Variants in CA10 observed in about 807,000 individuals in gnomAD.
The protein encoded by CA10 is carbonic anhydrase 10 (inactive), also known as carbonic anhydrase-related protein 10.
CA10 carries 14 observed loss-of-function variants against 44.2 expected under a neutral mutation model. That is an observed-to-expected ratio of 0.32 (90% CI 0.21 to 0.50). The LOEUF (loss-of-function observed/expected upper bound fraction) is 0.50, where lower values mean the gene tolerates loss of function less well. Among genes scored for constraint, CA10 ranks in the 20% least tolerant of loss-of-function variants. The probability of loss-of-function intolerance (pLI) is 0.99; values close to 1 mark genes in which losing one functional copy is unlikely to be tolerated. For missense variants in CA10, 350 were observed against 409.7 expected (o/e 0.85, Z 1.26); for synonymous variants, 159 against 141.6 (o/e 1.12, Z -0.87).
At chr17:51,910,196 C>G (rs2143949058) in intron 3 of CA10, among the ~76,000 whole-genome samples, 1 of 152,132 alleles carries the variant, frequency 6.6e-6, no homozygotes, top group Admixed American at 6.5e-5. Flanking sequence ...GGTGAGAGGG[C>G]AGCATTAGAG....
chr17:51,790,582 G>A (rs1381421428), intron 3 of CA10, among the ~76,000 whole-genome samples: 5 of 152,166 alleles, frequency 3.3e-5, no homozygotes, highest in Non-Finnish European at 7.3e-5. Flanking sequence ...GCCTGCAAAT[G>A]CAAGCAGCTG....
chr17:52,077,690 A>G (rs1191930788), intron 1 of CA10, among the ~76,000 whole-genome samples: 1 of 152,282 alleles, frequency 6.6e-6, no homozygotes, highest in Non-Finnish European at 1.5e-5. Flanking sequence ...TTCTAATTAC[A>G]TGTGCCTGAT....
intron 1 of CA10, among the ~76,000 whole-genome samples, chr17:52,149,932 C>T (rs575285387): frequency 6.6e-6 from 1 of 152,204 alleles, no homozygotes; most frequent in South Asian, 2.1e-4. Flanking sequence ...TTAAAAGATG[C>T]CTTTCATGCA....
At chr17:51,828,244 G>C (rs1255458158) in intron 3 of CA10, among the ~76,000 whole-genome samples, 1 of 152,142 alleles carries the variant, frequency 6.6e-6, no homozygotes, top group Non-Finnish European at 1.5e-5. Flanking sequence ...TTTTCGTGGA[G>C]GTTATATACA....
chr17:51,795,294 A>C (rs576834238), intron 3 of CA10, among the ~76,000 whole-genome samples: 1 of 152,356 alleles, frequency 6.6e-6, no homozygotes, highest in South Asian at 2.1e-4. Context: ...AGTGAGGACC[A>C]ACATTCGAAA....
At chr17:51,819,895 T>C (rs138655179) in intron 3 of CA10, among the ~76,000 whole-genome samples, 18 of 152,296 alleles carry the variant, frequency 1.2e-4, no homozygotes, top group Non-Finnish European at 2.2e-4. Context: ...CCTCTGTTTC[T>C]CGATTTCTCT....
chr17:52,096,415 C>T (rs536338225), intron 1 of CA10, among the ~76,000 whole-genome samples: 1 of 152,224 alleles, frequency 6.6e-6, no homozygotes, highest in African/African-American at 2.4e-5. Flanking sequence ...CTTGTTTTCC[C>T]CATCTTTAGA....
intron 4 of CA10, among the ~76,000 whole-genome samples, chr17:51,709,479 G>C (rs1567812004): frequency 6.6e-6 from 1 of 152,158 alleles, no homozygotes; most frequent in Non-Finnish European, 1.5e-5. Flanking sequence ...GATTTAAAGT[G>C]ATGACTCACA....
chr17:52,136,843 A>G (rs1989370914), intron 1 of CA10, among the ~76,000 whole-genome samples: 1 of 152,156 alleles, frequency 6.6e-6, no homozygotes, highest in Non-Finnish European at 1.5e-5. Context: ...ACGATTTTGA[A>G]ATGGAAATAA....
chr17:52,101,435 TTC>T (rs964605730), intron 1 of CA10, among the ~76,000 whole-genome samples: 5 of 152,140 alleles, frequency 3.3e-5, no homozygotes, highest in African/African-American at 9.7e-5. Flanking sequence ...GCCAAACAAA[TTC>T]TCTGTTAAGT....
intron 2 of CA10, among the ~76,000 whole-genome samples, chr17:51,981,698 A>C (rs937556966): frequency 3.9e-5 from 6 of 152,072 alleles, no homozygotes; most frequent in African/African-American, 1.4e-4. Context: ...TACCCATGTG[A>C]TTAGTAATAA....
rs894289014 is a variant in CA10, at chr17:51,744,001, A to G, written c.465+3632T>C. Among the ~76,000 whole-genome samples, 11 of 152,366 alleles carry G rather than the reference A, an allele frequency of 7.2e-5. No homozygotes were observed. The East Asian group carries it at 2.1e-3, about 29-fold the overall frequency. ...ACTTTTACTGAGGCTAATCCTCAGT[A>G]GAATACAATTGAAGGAAATTTCTAT... On this transcript the variant is annotated intron_variant, in intron 4 of 8. Coordinates refer to ENST00000451037, the MANE Select transcript of CA10 (RefSeq NM_020178.5).
chr17:51,722,075 C>G (rs1036525277), intron 4 of CA10, among the ~76,000 whole-genome samples: 1 of 152,048 alleles, frequency 6.6e-6, no homozygotes. Context: ...TTAACTCTTG[C>G]GATCTGATGT....
At chr17:51,730,412 C>A (rs1916671865) in intron 4 of CA10, among the ~76,000 whole-genome samples, 1 of 152,170 alleles carries the variant, frequency 6.6e-6, no homozygotes, top group African/African-American at 2.4e-5. Context: ...GATTCCTTTT[C>A]TACACTTTTT....
intron 1 of CA10, among the ~76,000 whole-genome samples, chr17:52,150,996 A>T (rs564562921): frequency 1.7e-4 from 26 of 152,112 alleles, no homozygotes; most frequent in African/African-American, 4.8e-4. Flanking sequence ...TTAGGTCAGG[A>T]TTTTTTTTAA....
At chr17:52,134,366 T>C (rs757750561) in intron 1 of CA10, among the ~76,000 whole-genome samples, 3 of 152,206 alleles carry the variant, frequency 2.0e-5, no homozygotes, top group Non-Finnish European at 4.4e-5. Context: ...GTTATGAGTG[T>C]ACTTTCTAGT....
chr17:52,153,615 C>T (rs1195747426), intron 1 of CA10, among the ~76,000 whole-genome samples: 1 of 152,112 alleles, frequency 6.6e-6, no homozygotes, highest in Admixed American at 6.5e-5. Flanking sequence ...AATTAAGAGA[C>T]TTTTCAAAAT....
At chr17:51,634,792 C>T (rs1198881783) in intron 7 of CA10, among the ~76,000 whole-genome samples, 1 of 152,214 alleles carries the variant, frequency 6.6e-6, no homozygotes, top group Admixed American at 6.5e-5. Context: ...CCCAGAAATC[C>T]TTCAACAATG....
intron 3 of CA10, among the ~76,000 whole-genome samples, chr17:51,825,305 CTTT>C (rs139416478): frequency 6.8e-6 from 1 of 147,072 alleles, no homozygotes; most frequent in East Asian, 2.0e-4. Flanking sequence ...TTTTTTCCTT[CTTT>C]TTTTTTTAAC....
Sources: allele counts gnomAD v4.1 joint callset (sites outside exome capture counted in the v4.1 genomes callset), GRCh38; gene constraint gnomAD v4.1.1; transcripts MANE v1.5; gene names NCBI Gene and HGNC (gene_info 2026-07-23, HGNC 2026-07-21).